MGST1: variants seen among roughly 807,000 people sequenced by gnomAD.
The protein encoded by MGST1 is microsomal glutathione S-transferase 1.
In MGST1, 5 loss-of-function variants were observed where a neutral mutation model predicts 8.9. The ratio of observed to expected loss-of-function variants is 0.56; its 90% CI spans 0.29 to 1.19. MGST1 has a LOEUF of 1.19. Among genes scored for constraint, MGST1 ranks in the 50% most tolerant of loss-of-function variants. MGST1 has a pLI of 0.08. For synonymous variants in MGST1, 54 were observed against 67.8 expected (o/e 0.80, Z 1.00); for missense variants, 182 against 187.4 (o/e 0.97, Z 0.17).
chr12:16,592,223 C>CTT (rs1355247309), downstream of MGST1, among the ~76,000 whole-genome samples: 1 of 152,000 alleles, frequency 6.6e-6, no homozygotes, highest in Admixed American at 6.6e-5. Context: ...CATTGTAGAA[C>CTT]TTTTAAAGAG....
chr12:16,472,692 T>C lies in MGST1; in HGVS notation n.482+89088T>C, dbSNP rs1010926723. 3.9e-5 allele frequency among the ~76,000 whole-genome samples: 6 copies of C among 152,224 alleles called. 1 individual carries two copies. The highest frequency in any genetic ancestry group is 9.6e-5 in the African/African-American group (4 of 41,464). ...TGTATATTGAGCAATAATACAATCATACATGGTCATGGATGACTAAAAATA... is the reference window on the plus strand; with the variant it reads ...TGTATATTGAGCAATAATACAATCACACATGGTCATGGATGACTAAAAATA... On this transcript the variant is annotated intron_variant and non_coding_transcript_variant, in intron 4 of 4. Coordinates refer to the MGST1 transcript ENST00000538857.
At chr12:16,467,037 GC>G (rs1941260171) in intron 4 of MGST1, among the ~76,000 whole-genome samples, 2 of 151,862 alleles carry the variant, frequency 1.3e-5, no homozygotes, top group East Asian at 4.0e-4. Flanking sequence ...ACAGGAAGCA[GC>G]ACAGACAGTG....
intron 4 of MGST1, among the ~76,000 whole-genome samples, chr12:16,463,828 C>T (rs73318778): frequency 0.012 from 1,767 of 152,230 alleles, 45 homozygotes; most frequent in African/African-American, 0.04. Context: ...TTTGCTTCTG[C>T]CTCTTGGTCA....
At chr12:16,525,296 TC>T (rs1180455065) in intron 4 of MGST1, among the ~76,000 whole-genome samples, 2 of 78,874 alleles carry the variant, frequency 2.5e-5, no homozygotes, top group African/African-American at 1.0e-4. Flanking sequence ...CCCTCCCCCC[TC>T]CCCCCACCCC....
chr12:16,557,634 T>C (rs1638908293), intron 4 of MGST1, among the ~76,000 whole-genome samples: 1 of 152,080 alleles, frequency 6.6e-6, no homozygotes, highest in African/African-American at 2.4e-5. Flanking sequence ...GATATATGTC[T>C]TGTGGGAAAG....
downstream of MGST1, among the ~76,000 whole-genome samples, chr12:16,441,916 A>G (rs1342144417): frequency 2.0e-5 from 3 of 151,878 alleles, no homozygotes; most frequent in African/African-American, 7.2e-5. Context: ...ACTGTCTTGC[A>G]AAGTGGCTGT....
intron 1 of MGST1, among the ~76,000 whole-genome samples, chr12:16,391,965 T>C (rs1220256170): frequency 6.6e-6 from 1 of 152,228 alleles, no homozygotes; most frequent in African/African-American, 2.4e-5. Context: ...TTTATATGGA[T>C]AGCCAGTTAT....
downstream of MGST1, among the ~76,000 whole-genome samples, chr12:16,382,012 A>G (rs146004011): frequency 3.7e-4 from 56 of 152,034 alleles, no homozygotes. Context: ...ACTTCTCTGC[A>G]TTGGTTATTC....
In MGST1 at chr12:16,546,808, T is replaced by C. The variant is rs1323540670; in HGVS notation, n.483-42720T>C. Among the ~76,000 whole-genome samples the C allele has an allele frequency of 6.6e-6, 1 of 152,020 alleles. No individual in the cohort carries two copies. The highest frequency in any genetic ancestry group is 1.5e-5 in the Non-Finnish European group (1 of 67,962). On this transcript the variant is annotated intron_variant and non_coding_transcript_variant, in intron 4 of 4. Transcript: ENST00000538857. This position sits in a 1 kb window ranked among gnomAD's most constrained non-coding sequence, Gnocchi z 4.7. The stretch of plus-strand genomic sequence containing the variant: ...TATTTTTTTAAATCCCTTCCCCTAC[T>C]GCTGTCATTATCCACAAACCCACCC...
At position 16,462,689 on chromosome 12, in the gene MGST1, A is replaced by G. The variant is rs570292321; in HGVS notation, n.482+79085A>G. On this transcript the variant is annotated intron_variant and non_coding_transcript_variant, in intron 4 of 4. Transcript: ENST00000538857. ...CAGATTCAAATCAATTGTTTATCTT[A>G]TCTTGATTTGATCTTCATTTAGTGG... Among the ~76,000 whole-genome samples the G allele has an allele frequency of 5.3e-5, 8 of 152,272 alleles. No homozygotes were observed. The South Asian group carries it at 1.7e-3, about 32-fold the overall frequency.
intron 4 of MGST1, among the ~76,000 whole-genome samples, chr12:16,535,890 T>A (rs2137206244): frequency 6.6e-6 from 1 of 152,274 alleles, no homozygotes; most frequent in South Asian, 2.1e-4. Context: ...TATCTATGAG[T>A]ATTTTAAGTT....
At chr12:16,518,284 C>T (rs767062208) in intron 4 of MGST1, among the ~76,000 whole-genome samples, 1 of 152,134 alleles carries the variant, frequency 6.6e-6, no homozygotes, top group South Asian at 2.1e-4. Flanking sequence ...CCTCTCCACT[C>T]ATTCTTCTCT....
intron 1 of MGST1, among the ~76,000 whole-genome samples, chr12:16,432,405 ATGAG>A (rs1455553323): frequency 6.6e-6 from 1 of 152,006 alleles, no homozygotes; most frequent in Non-Finnish European, 1.5e-5. Flanking sequence ...AGTGGGGAGA[ATGAG>A]TGAGTACTTA....
intron 4 of MGST1, among the ~76,000 whole-genome samples, chr12:16,543,154 A>G (rs1388118297): frequency 6.6e-6 from 1 of 152,194 alleles, no homozygotes; most frequent in Non-Finnish European, 1.5e-5. Context: ...AGAATCTGAC[A>G]TGCAGAAGGT....
rs745562143 is a variant in MGST1 at position 16,354,268 on chromosome 12, C to T, written c.16C>T (p.Gln6Ter). The change falls in exon 2 of 4, where the codon CAG (glutamine) becomes TAG (stop). Residue 6 changes from glutamine (Q) to a stop codon, truncating the protein, a stop_gained. Transcript: ENST00000396210. LOFTEE classifies it high-confidence loss of function. MVDLT[Q>*]VMDDEVFMAF... is the part of the protein sequence containing the mutation. ...AATTGAAAAAATGGTTGACCTCACC[C>T]AGGTAATGGATGATGAAGTATTCAT... is the stretch of plus-strand genomic sequence containing the variant. 6.3e-7 allele frequency: 1 copy of T among 1,591,404 alleles called. No individual in the cohort carries two copies. Among genetic ancestry groups the T allele is most frequent in the Non-Finnish European group, 8.5e-7 (1 of 1,173,166 alleles).
intron 4 of MGST1, among the ~76,000 whole-genome samples, chr12:16,502,229 C>G (rs1053659874): frequency 1.3e-5 from 2 of 152,146 alleles, no homozygotes; most frequent in African/African-American, 2.4e-5. Context: ...AAAAAATAAA[C>G]TGATCAATTT....
intron 4 of MGST1, among the ~76,000 whole-genome samples, chr12:16,452,933 A>G (rs1223688025): frequency 6.6e-6 from 1 of 151,904 alleles, no homozygotes; most frequent in Non-Finnish European, 1.5e-5. Context: ...TCTTTAGGAT[A>G]AAAAGATACA....
intron 1 of MGST1, among the ~76,000 whole-genome samples, chr12:16,415,557 A>G (rs575402691): frequency 1.3e-5 from 2 of 152,352 alleles, no homozygotes; most frequent in African/African-American, 4.8e-5. Flanking sequence ...TACTTAATAG[A>G]TAGGAAATAT....
Position 16,584,431 on chromosome 12 carries a change from T to C in MGST1, n.483-5097T>C, listed in dbSNP as rs1409230716. Reference sequence around the variant, plus strand: ...ATGGGAAAGGCATCTGGCCAAAAGATTGTGGACACAGCAAAAGTTATTGAC... The same window carrying C: ...ATGGGAAAGGCATCTGGCCAAAAGACTGTGGACACAGCAAAAGTTATTGAC... On this transcript the variant is annotated intron_variant and non_coding_transcript_variant, in intron 4 of 4. Coordinates refer to the MGST1 transcript ENST00000538857. The surrounding 1 kb of genome is among the most constrained non-coding windows in gnomAD (Gnocchi z 5.2). Among the ~76,000 whole-genome samples the C allele has an allele frequency of 6.6e-6, 1 of 152,136 alleles. No individual in the cohort carries two copies. The highest frequency in any genetic ancestry group is 2.4e-5 in the African/African-American group (1 of 41,444).
Sources: allele counts gnomAD v4.1 joint callset (sites outside exome capture counted in the v4.1 genomes callset), GRCh38; gene constraint gnomAD v4.1.1; non-coding constraint Gnocchi (gnomAD v3.1); transcripts MANE v1.5; gene names NCBI Gene and HGNC (gene_info 2026-07-23, HGNC 2026-07-21).